ZRANB1: variants seen among roughly 807,000 people sequenced by gnomAD.
ZRANB1 encodes ubiquitin thioesterase ZRANB1.
A neutral mutation model predicts 80.5 loss-of-function variants in ZRANB1; 16 were observed. The observed-to-expected ratio is 0.20, with a 90% CI of 0.13 to 0.30. ZRANB1 has a LOEUF of 0.30. Ranked by LOEUF, ZRANB1 falls within the 10% of genes least tolerant of loss-of-function variation. The pLI is 1.00. For synonymous variants in ZRANB1, 291 were observed against 293.1 expected, an observed-to-expected ratio of 0.99 and a Z score of 0.07; for missense variants, 576 against 862.6, an observed-to-expected ratio of 0.67 and a Z score of 4.16.
chr10:124,983,672 TC>T lies in ZRANB1; in HGVS notation c.1894del (p.Leu632PhefsTer6). On this transcript the variant is annotated frameshift_variant, in exon 8 of 9. Coordinates refer to ENST00000359653, the MANE Select transcript of ZRANB1 (RefSeq NM_017580.3). LOFTEE classifies it high-confidence loss of function. This position sits in a 1 kb window ranked among gnomAD's most constrained non-coding sequence, Gnocchi z 6.2. Reference sequence around the variant, plus strand: ...GAAAGGAAGCTACTCCATGTGCACTTCCTTTCTGCTCAGGAGGTAAGCAGTT... The same window carrying T: ...GAAAGGAAGCTACTCCATGTGCACTTCTTTCTGCTCAGGAGGTAAGCAGTT... The part of the protein sequence containing the change: ...DSERKLLHVH[F>X]LSAQELGNEE... 1.3e-6 allele frequency: 2 copies of T among 1,591,888 alleles called. No homozygotes were observed. The highest frequency in any genetic ancestry group is 2.3e-5 in the East Asian group (1 of 44,234).
intron 5 of ZRANB1, among the ~76,000 whole-genome samples, chr10:124,980,235 T>C (rs1951920381): frequency 6.6e-6 from 1 of 152,190 alleles, no homozygotes; most frequent in Non-Finnish European, 1.5e-5. Context: ...TATTGCTGGA[T>C]TTGGTTTGCT....
At chr10:124,978,523 T>C (rs574130186) in intron 5 of ZRANB1, among the ~76,000 whole-genome samples, 37 of 152,352 alleles carry the variant, frequency 2.4e-4, no homozygotes, top group Non-Finnish European at 2.4e-4. Context: ...CTGAATATAT[T>C]GTACTTGCCT....
upstream of ZRANB1, among the ~76,000 whole-genome samples, chr10:124,940,294 T>C (rs976079675): frequency 1.3e-4 from 20 of 152,232 alleles, no homozygotes; most frequent in Admixed American, 1.0e-3. Context: ...AAATAGAGAA[T>C]TGATAAAAAT....
Position 124,971,954 on chromosome 10 carries a change from T to G in ZRANB1, c.1003-11T>G. ...ACATGAGATGAGAGGAAGGTTTCTT[T>G]TGTATTTAAGGTGTCTCAACAAGCA... is the stretch of plus-strand genomic sequence containing the variant. On this transcript the variant is annotated splice_polypyrimidine_tract_variant and intron_variant, in intron 2 of 8. Coordinates refer to ENST00000359653, the MANE Select transcript of ZRANB1 (RefSeq NM_017580.3). The G allele has an allele frequency of 6.4e-7, 1 of 1,565,596 alleles. No individual in the cohort carries two copies. Among genetic ancestry groups the G allele is most frequent in the Non-Finnish European group, 8.6e-7 (1 of 1,156,090 alleles).
At chr10:124,917,442 A>G in the ZRANB1 span, among the ~76,000 whole-genome samples, 1 of 151,450 alleles carries the variant, frequency 6.6e-6, no homozygotes, top group Admixed American at 6.6e-5. Context: ...CGGCGCTTCC[A>G]TCTTGGGCGC....
chr10:124,972,387 C>A (rs1334506583), intron 3 of ZRANB1, among the ~76,000 whole-genome samples: 2 of 152,090 alleles, frequency 1.3e-5, no homozygotes, highest in East Asian at 1.9e-4. Flanking sequence ...CTGTTGTACT[C>A]TTTTATTTTT....
intron 5 of ZRANB1, among the ~76,000 whole-genome samples, chr10:124,979,812 A>C (rs1251418048): frequency 6.6e-6 from 1 of 152,228 alleles, no homozygotes; most frequent in Non-Finnish European, 1.5e-5. Flanking sequence ...AATTTTGTCG[A>C]AAATTAGTTG....
intron 1 of ZRANB1, among the ~76,000 whole-genome samples, chr10:124,957,008 A>G (rs1951692413): frequency 6.6e-6 from 1 of 152,208 alleles, no homozygotes; most frequent in Admixed American, 6.5e-5. Flanking sequence ...ATTTTTTCCT[A>G]CACAACCACA....
rs532573192 is a variant in ZRANB1 at position 124,945,910 on chromosome 10, C to T, written c.814+2603C>T. On this transcript the variant is annotated intron_variant, in intron 1 of 8. Coordinates refer to ENST00000359653, the MANE Select transcript of ZRANB1 (RefSeq NM_017580.3). ...CAAGCCATCCGCCCACCTCAGCCTCCTGGGTAGCTGGGACTACAGGCGCAT... is the reference window on the plus strand; with the variant it reads ...CAAGCCATCCGCCCACCTCAGCCTCTTGGGTAGCTGGGACTACAGGCGCAT... 4.6e-5 allele frequency: 7 copies of T among 152,296 alleles called. No homozygotes were observed. In the East Asian group the frequency reaches 1.2e-3, roughly 25 times the overall value. The allele number at this position is 152,296 out of a possible 1,614,324, so 9.4% of individuals were successfully genotyped here. A position where few individuals can be genotyped will look rare whatever the true frequency, so the allele number is the denominator to read the frequency against.
At chr10:124,933,544 C>A in the ZRANB1 span, among the ~76,000 whole-genome samples, 4 of 152,096 alleles carry the variant, frequency 2.6e-5, no homozygotes, top group African/African-American at 4.8e-5. Context: ...TTAATTGTTC[C>A]ATTTCCATAC....
chr10:124,950,116 A>G (rs1951624885), intron 1 of ZRANB1, among the ~76,000 whole-genome samples: 1 of 152,068 alleles, frequency 6.6e-6, no homozygotes, highest in Non-Finnish European at 1.5e-5. Context: ...TTATTTTTTA[A>G]TTAATTAACT....
the ZRANB1 span, among the ~76,000 whole-genome samples, chr10:124,930,624 T>A: frequency 6.6e-6 from 1 of 152,216 alleles, no homozygotes; most frequent in East Asian, 1.9e-4. Flanking sequence ...TGAAAGTGGT[T>A]TTTCCATAGT....
chr10:124,973,799 T>G, intron 4 of ZRANB1, 83 bp downstream of exon 4: 1 of 1,196,702 alleles, frequency 8.4e-7, no homozygotes. Context: ...TAGTTTGGTG[T>G]GTAGTCAACT....
At chr10:124,952,164 G>C (rs751091327) in intron 1 of ZRANB1, among the ~76,000 whole-genome samples, 1 of 152,074 alleles carries the variant, frequency 6.6e-6, no homozygotes, top group Admixed American at 6.6e-5. Flanking sequence ...CTCCCCATGC[G>C]TGCGTCCCAG....
chr10:124,924,157 G>A, the ZRANB1 span, among the ~76,000 whole-genome samples: 1 of 151,826 alleles, frequency 6.6e-6, no homozygotes, highest in East Asian at 1.9e-4. Flanking sequence ...GCCCGCCTTG[G>A]CCTCCCAAAG....
At chr10:124,957,922 G>T (rs1026822544) in intron 1 of ZRANB1, among the ~76,000 whole-genome samples, 9 of 152,032 alleles carry the variant, frequency 5.9e-5, no homozygotes, top group Non-Finnish European at 7.4e-5. Context: ...AGAGTCGGGG[G>T]TTTCACCATG....
chr10:124,967,116 A>G (rs974878088), intron 2 of ZRANB1, among the ~76,000 whole-genome samples: 2 of 152,242 alleles, frequency 1.3e-5, no homozygotes, highest in Non-Finnish European at 2.9e-5. Context: ...TTGTAAAGAT[A>G]CTGGCTCTTT....
chr10:124,986,837 T>C lies in ZRANB1; in HGVS notation c.*1845T>C, dbSNP rs941359956. The C allele has an allele frequency of 2.0e-5, 3 of 151,980 alleles. No homozygotes were observed. Among genetic ancestry groups the C allele is most frequent in the African/African-American group, 7.3e-5 (3 of 41,260 alleles). 9.4% of individuals were successfully genotyped at this position (151,980 alleles called of 1,614,324 possible). A position where few individuals can be genotyped will look rare whatever the true frequency, so the allele number is the denominator to read the frequency against. On this transcript the variant is annotated 3_prime_UTR_variant, in exon 9 of 9. Coordinates refer to ENST00000359653, the MANE Select transcript of ZRANB1 (RefSeq NM_017580.3). ...TCCCAATTGAAAAAGCCAAAGAGAATTGTTAGAGGGAAAAGCATGTAGCCA... is the reference window on the plus strand; with the variant it reads ...TCCCAATTGAAAAAGCCAAAGAGAACTGTTAGAGGGAAAAGCATGTAGCCA...
chr10:124,936,840 G>A, the ZRANB1 span, among the ~76,000 whole-genome samples: 1 of 152,128 alleles, frequency 6.6e-6, no homozygotes, highest in Non-Finnish European at 1.5e-5. Context: ...TCCCTAAGAT[G>A]TTCTCTGAGC....
Sources: allele counts gnomAD v4.1 joint callset (sites outside exome capture counted in the v4.1 genomes callset), GRCh38; gene constraint gnomAD v4.1.1; non-coding constraint Gnocchi (gnomAD v3.1); transcripts MANE v1.5; gene names NCBI Gene and HGNC (gene_info 2026-07-23, HGNC 2026-07-21).